MAPK6: variants seen among roughly 807,000 people sequenced by gnomAD.
MAPK6 encodes the protein ERK-3.
A neutral mutation model predicts 59.3 loss-of-function variants in MAPK6; 19 were observed. The ratio of observed to expected loss-of-function variants is 0.32; its 90% confidence interval spans 0.22 to 0.47. The LOEUF is 0.47. MAPK6 is among the 20% of genes least tolerant of loss of function. The pLI is 1.00. For synonymous variants in MAPK6, 316 were observed against 290.3 expected, an observed-to-expected ratio of 1.09 and a Z score of -0.90; for missense variants, 724 against 847.9, an observed-to-expected ratio of 0.85 and a Z score of 1.81.
upstream of MAPK6, among the ~76,000 whole-genome samples, chr15:52,018,483 A>C (rs540040698): frequency 6.6e-6 from 1 of 152,322 alleles, no homozygotes; most frequent in East Asian, 1.9e-4. Context: ...AAATACTTAA[A>C]TTTCACATAA....
intron 1 of MAPK6, among the ~76,000 whole-genome samples, chr15:51,977,902 C>A (rs1297944653): frequency 6.6e-6 from 1 of 151,776 alleles, no homozygotes; most frequent in Non-Finnish European, 1.5e-5. Flanking sequence ...CTGAGCCTTT[C>A]CTCAATTGTC....
chr15:51,992,295 A>ATC (rs1186123368), intron 2 of MAPK6, among the ~76,000 whole-genome samples: 3,758 of 84,374 alleles, frequency 0.045, 87 homozygotes, highest in African/African-American at 0.092. Context: ...ATCTATCTAT[A>ATC]TATATATATA....
At position 52,065,015 on chromosome 15, in the gene MAPK6, A is replaced by G. The variant is rs780866438; in HGVS notation, c.*15A>G. The G allele has an allele frequency of 6.4e-7, 1 of 1,573,222 alleles. No homozygotes were observed. Among genetic ancestry groups the G allele is most frequent in the African/African-American group, 1.4e-5 (1 of 73,804 alleles). ...ATCTGAACTAAAACACTCAGCAGAC[A>G]TTTATCTTTGTATTCTTCATGAAAT... On this transcript the variant is annotated 3_prime_UTR_variant, in exon 6 of 6. Coordinates refer to ENST00000261845, the MANE Select transcript of MAPK6 (RefSeq NM_002748.4).
chr15:52,063,435 AATAGGAT>A (rs1272592280), intron 5 of MAPK6, among the ~76,000 whole-genome samples: 2 of 152,234 alleles, frequency 1.3e-5, no homozygotes, highest in Non-Finnish European at 2.9e-5. Flanking sequence ...ACATGTCAGT[AATAGGAT>A]AGCGCATTCA....
Position 52,063,989 on chromosome 15 carries a change from G to T in MAPK6, c.1155G>T (p.Leu385=). Residue 385 remains leucine, a synonymous_variant, in exon 6 of 6, where the codon CTG becomes CTT. Transcript: ENST00000261845. Reference sequence around the variant, plus strand: ...AAGTTCAGCTTGATCCAAGAGCTCTGTCCGATGTCACTGATGAAGAAGAAG... The same window carrying T: ...AAGTTCAGCTTGATCCAAGAGCTCTTTCCGATGTCACTGATGAAGAAGAAG... ...IDEVQLDPRA[L]SDVTDEEEVQ... is the part of the protein sequence containing the mutation. 6.2e-7 allele frequency: 1 copy of T among 1,613,514 alleles called. No homozygotes were observed. The highest frequency in any genetic ancestry group is 8.5e-7 in the Non-Finnish European group (1 of 1,179,658).
chr15:52,054,196 T>A (rs200421332), intron 3 of MAPK6, among the ~76,000 whole-genome samples: 1 of 151,636 alleles, frequency 6.6e-6, no homozygotes, highest in Non-Finnish European at 1.5e-5. Context: ...GGTGAAACCC[T>A]GTCTCTACTA....
At chr15:51,986,751 A>T (rs191911532) in intron 2 of MAPK6, among the ~76,000 whole-genome samples, 232 of 152,266 alleles carry the variant, frequency 1.5e-3, no homozygotes, top group African/African-American at 5.3e-3. Flanking sequence ...GTTTTCATTT[A>T]TGTGGCCCAA....
chr15:52,038,687 C>T (rs1339961228), intron 1 of MAPK6, among the ~76,000 whole-genome samples: 1 of 152,100 alleles, frequency 6.6e-6, no homozygotes, highest in Non-Finnish European at 1.5e-5. Context: ...CCTATATTTG[C>T]TCCAATATTT....
chr15:52,019,493 T>C (rs1283984403), intron 1 of MAPK6, 117 bp downstream of exon 1: 1 of 145,822 alleles, frequency 6.9e-6, no homozygotes, highest in Non-Finnish European at 1.5e-5. Context: ...CCCTCCTCCA[T>C]TGTGTGTGAC....
At position 52,066,527 on chromosome 15, in the gene MAPK6, T is replaced by TA. The variant is rs1304689102; in HGVS notation, c.*1528dup. 1 of 152,186 alleles carries TA rather than the reference T, an allele frequency of 6.6e-6. No individual in the cohort carries two copies. Among genetic ancestry groups the TA allele is most frequent in the Non-Finnish European group, 1.5e-5 (1 of 68,048 alleles). 9.4% of individuals were successfully genotyped at this position (152,186 alleles called of 1,614,324 possible). A position where few individuals can be genotyped will look rare whatever the true frequency, so the allele number is the denominator to read the frequency against. On this transcript the variant is annotated 3_prime_UTR_variant, in exon 6 of 6. Transcript: ENST00000261845. Reference sequence around the variant, plus strand: ...TGTAATACATCTTTGCGTAAGAACTTACCCTTTTACCTATCCAGCTACAAA... The same window carrying TA: ...TGTAATACATCTTTGCGTAAGAACTTAACCCTTTTACCTATCCAGCTACAAA...
chr15:52,036,606 C>G lies in MAPK6; in HGVS notation c.-631-9224C>G, dbSNP rs545126804. 2.6e-5 allele frequency among the ~76,000 whole-genome samples: 4 copies of G among 152,292 alleles called. No homozygotes were observed. The East Asian group carries it at 7.7e-4, about 29-fold the overall frequency. On this transcript the variant is annotated intron_variant, in intron 1 of 5. Transcript: ENST00000261845. Reference sequence around the variant, plus strand: ...ATTAGGCCCCACCTCCTAACACTTGCATTGAGGATTAAGCTTCCAACCCAT... The same window carrying G: ...ATTAGGCCCCACCTCCTAACACTTGGATTGAGGATTAAGCTTCCAACCCAT...
intron 4 of MAPK6, among the ~76,000 whole-genome samples, chr15:52,060,603 G>T (rs1457952093): frequency 6.6e-6 from 1 of 152,144 alleles, no homozygotes; most frequent in Non-Finnish European, 1.5e-5. Flanking sequence ...AGGCATAGAA[G>T]TGTGTGGCTG....
chr15:52,044,360 T>TA (rs1169569547), intron 1 of MAPK6, among the ~76,000 whole-genome samples: 2 of 152,230 alleles, frequency 1.3e-5, no homozygotes, highest in African/African-American at 2.4e-5. Context: ...TATCAGTTTT[T>TA]ATTAAAGCTG....
rs1170133415 is a variant in MAPK6, at chr15:52,046,441, G to T, written c.-20G>T. 1 of 1,545,892 alleles carries T rather than the reference G, an allele frequency of 6.5e-7. No homozygotes were observed. The highest frequency in any genetic ancestry group is 1.4e-5 in the African/African-American group (1 of 72,494). On this transcript the variant is annotated 5_prime_UTR_variant, in exon 2 of 6. Coordinates refer to ENST00000261845, the MANE Select transcript of MAPK6 (RefSeq NM_002748.4). ...CACAAGTTCAATTTGAAAGGAAAAG[G>T]CAATAGTAAGGGTTTCAAAATGGCA...
chr15:52,049,924 C>T (rs912085764), intron 2 of MAPK6, 69 bp from the exon 3 acceptor site: 33 of 1,414,020 alleles, frequency 2.3e-5, no homozygotes, highest in Non-Finnish European at 3.1e-5. Context: ...ATTAAGGATT[C>T]TTTAATCAAG....
chr15:51,975,951 A>G (rs2057155984), intron 1 of MAPK6, among the ~76,000 whole-genome samples: 1 of 151,844 alleles, frequency 6.6e-6, no homozygotes, highest in Non-Finnish European at 1.5e-5. Flanking sequence ...AAAAATAATG[A>G]CAAACATATT....
intron 3 of MAPK6, among the ~76,000 whole-genome samples, chr15:52,053,848 A>G (rs894537738): frequency 4.6e-5 from 7 of 151,686 alleles, no homozygotes; most frequent in African/African-American, 1.7e-4. Context: ...CACGTTGGTC[A>G]GGCTGATCTC....
chr15:51,978,966 C>T (rs1288217127), intron 1 of MAPK6, among the ~76,000 whole-genome samples: 2 of 151,194 alleles, frequency 1.3e-5, no homozygotes, highest in Non-Finnish European at 2.9e-5. Context: ...AAAAAATTAG[C>T]CAGGAATAGT....
intron 1 of MAPK6, among the ~76,000 whole-genome samples, chr15:52,045,118 G>GC (rs1167528117): frequency 6.6e-6 from 1 of 151,842 alleles, no homozygotes; most frequent in Non-Finnish European, 1.5e-5. Flanking sequence ...CATAGAGTAC[G>GC]CTATTTATTT....
Sources: gnomAD v4.1 joint callset for allele counts (sites outside exome capture counted in the v4.1 genomes callset) on GRCh38, gnomAD v4.1.1 for gene constraint, MANE v1.5 for transcripts, NCBI Gene and HGNC (gene_info 2026-07-23, HGNC 2026-07-21) for gene names.